AHI1: variants seen among roughly 807,000 people sequenced by gnomAD.
AHI1 encodes the protein Abelson helper integration site 1.
In AHI1, 123 loss-of-function variants were observed where a neutral mutation model predicts 149.3. The ratio of observed to expected loss-of-function variants is 0.82; its 90% CI spans 0.71 to 0.96. The LOEUF is 0.96. Among genes scored for constraint, AHI1 ranks in the 40% least tolerant of loss-of-function variants. The pLI is 0.00. For missense variants in AHI1, 1,439 were observed against 1,422.7 expected, an observed-to-expected ratio of 1.01 and a Z score of -0.18; for synonymous variants, 475 against 459.8, an observed-to-expected ratio of 1.03 and a Z score of -0.42.
At chr6:135,480,302 AC>A (rs1793416514) in intron 5 of AHI1, among the ~76,000 whole-genome samples, 1 of 152,140 alleles carries the variant, frequency 6.6e-6, no homozygotes, top group African/African-American at 2.4e-5. Context: ...ACAGAAAAAA[AC>A]AAAAATTAGC....
At chr6:135,343,473 C>A (rs991710211) in intron 24 of AHI1, among the ~76,000 whole-genome samples, 8 of 151,522 alleles carry the variant, frequency 5.3e-5, no homozygotes, top group Non-Finnish European at 1.2e-4. Flanking sequence ...AAGGACACAC[C>A]CTGATTTTAA....
intron 21 of AHI1, among the ~76,000 whole-genome samples, chr6:135,405,581 C>G (rs185382697): frequency 1.3e-5 from 2 of 151,990 alleles, no homozygotes; most frequent in African/African-American, 4.8e-5. Flanking sequence ...CAAGTCTGGC[C>G]GGGTACGGTG....
intron 22 of AHI1, among the ~76,000 whole-genome samples, 188 bp from the exon 23 acceptor site, chr6:135,395,084 A>G (rs564392755): frequency 6.6e-5 from 10 of 152,194 alleles, no homozygotes; most frequent in African/African-American, 2.4e-4. Context: ...AAAAAAATAT[A>G]ATAGTAATTA....
chr6:135,376,921 A>AG (rs1776029888), intron 23 of AHI1, among the ~76,000 whole-genome samples: 10 of 128,796 alleles, frequency 7.8e-5, no homozygotes, highest in African/African-American at 2.0e-4. Context: ...AAAAAAAAAA[A>AG]GTTGGTCCAG....
chr6:135,476,837 T>C (rs1792728505), intron 5 of AHI1, among the ~76,000 whole-genome samples: 1 of 152,180 alleles, frequency 6.6e-6, no homozygotes, highest in Admixed American at 6.5e-5. Flanking sequence ...ATTCTTTAAA[T>C]ATTAACCTAC....
chr6:135,389,612 T>C (rs1778171045), intron 23 of AHI1, among the ~76,000 whole-genome samples: 1 of 152,212 alleles, frequency 6.6e-6, no homozygotes, highest in African/African-American at 2.4e-5. Context: ...ACACTGTAAG[T>C]TTACAATTAA....
intron 4 of AHI1, among the ~76,000 whole-genome samples, 153 bp from the exon 5 acceptor site, chr6:135,490,900 T>G (rs1307503075): frequency 1.3e-5 from 2 of 152,172 alleles, no homozygotes; most frequent in Non-Finnish European, 2.9e-5. Context: ...TCTTAAAATA[T>G]TTTTTATTTT....
chr6:135,313,431 T>C (rs1027195877), intron 26 of AHI1, among the ~76,000 whole-genome samples: 1 of 152,172 alleles, frequency 6.6e-6, no homozygotes, highest in Non-Finnish European at 1.5e-5. Context: ...TGGAGTTTTA[T>C]CCTCTGCCAC....
At chr6:135,423,294 C>CTA (rs1783473407) in intron 20 of AHI1, among the ~76,000 whole-genome samples, 1 of 152,066 alleles carries the variant, frequency 6.6e-6, no homozygotes, top group South Asian at 2.1e-4. Flanking sequence ...GGAAAAAATG[C>CTA]TATTCTATAG....
Position 135,323,180 on chromosome 6 carries a change from T to C in AHI1, c.3310A>G (p.Asn1104Asp), listed in dbSNP as rs1453261170. Residue 1104 changes from asparagine (N) to aspartate (D), a missense_variant, in exon 25 of 29, where the codon AAT becomes GAT. By Grantham distance (23) the Asn-to-Asp change is conservative. Transcript: ENST00000265602. ...GKGQEGYFPA[N>D]HVASETLYQE... ...AACTTACTTTCACTAGCCACATGAT[T>C]AGCTGGAAAATAACCTTCCTGTCCC... 1 of 1,610,936 alleles carries C rather than the reference T, an allele frequency of 6.2e-7. No individual in the cohort carries two copies. Among genetic ancestry groups the C allele is most frequent in the Non-Finnish European group, 8.5e-7 (1 of 1,177,514 alleles).
rs1327998842 is a variant in AHI1 at position 135,433,069 on chromosome 6, C to T, written c.2224G>A (p.Val742Ile). 3 of 1,613,476 alleles carry T rather than the reference C, an allele frequency of 1.9e-6. No homozygotes were observed. The highest frequency in any genetic ancestry group is 1.3e-5 in the African/African-American group (1 of 74,906). Residue 742 changes from valine to isoleucine, a missense_variant, in exon 16 of 29, where the codon GTT becomes ATT. Val to Ile is a conservative substitution (Grantham distance 29). Transcript: ENST00000265602. Reference sequence around the variant, plus strand: ...AGTGAGTTGATAAAACTTTTGTGAACATCAAACTGTCGGACCAATATGGCA... The same window carrying T: ...AGTGAGTTGATAAAACTTTTGTGAATATCAAACTGTCGGACCAATATGGCA... ...DSAILVRQFD[V>I]HKSFINSLCF...
intron 27 of AHI1, among the ~76,000 whole-genome samples, chr6:135,293,493 G>A (rs1220691828): frequency 6.7e-6 from 1 of 149,430 alleles, no homozygotes; most frequent in Non-Finnish European, 1.5e-5. Context: ...TTGCACGATT[G>A]TCTGTCTACA....
In AHI1 at chr6:135,438,372, A is replaced by G. The variant is rs1225715023; in HGVS notation, c.2036+3T>C. 6.3e-7 allele frequency: 1 copy of G among 1,581,584 alleles called. No homozygotes were observed. On this transcript the variant is annotated splice_donor_region_variant and intron_variant, in intron 15 of 28. Transcript: ENST00000265602. ...CACATAAGTACTTCTCAAGGATACT[A>G]ACCTGGCAGTGCCATCAGATGATGA...
chr6:135,322,533 G>A (rs1014470604), intron 25 of AHI1, among the ~76,000 whole-genome samples: 3 of 151,522 alleles, frequency 2.0e-5, no homozygotes, highest in South Asian at 4.2e-4. Context: ...ATTAAAACAC[G>A]AAGTAGAAAT....
At chr6:135,459,139 T>C (rs1583334250) in intron 8 of AHI1, among the ~76,000 whole-genome samples, 1 of 152,206 alleles carries the variant, frequency 6.6e-6, no homozygotes, top group Non-Finnish European at 1.5e-5. Flanking sequence ...AAAATGGTCA[T>C]TAAAAAGGCC....
intron 26 of AHI1, among the ~76,000 whole-genome samples, chr6:135,309,233 T>C (rs558731343): frequency 6.6e-6 from 1 of 152,294 alleles, no homozygotes; most frequent in Admixed American, 6.5e-5. Context: ...TCTATGGGTA[T>C]GAGGTAAAGG....
At chr6:135,420,206 T>C (rs2757637) in intron 20 of AHI1, among the ~76,000 whole-genome samples, 140,678 of 152,192 alleles carry the variant, frequency 0.92, 65,195 homozygotes, top group East Asian at 0.97. Flanking sequence ...ATATTTTGAC[T>C]TCCTCTTATG....
intron 28 of AHI1, among the ~76,000 whole-genome samples, chr6:135,289,223 C>T (rs1480815687): frequency 6.6e-6 from 1 of 151,770 alleles, no homozygotes; most frequent in African/African-American, 2.4e-5. Flanking sequence ...TGGCCAGGTG[C>T]GGTGGCTCAC....
intron 26 of AHI1, among the ~76,000 whole-genome samples, chr6:135,311,889 T>A (rs1195157490): frequency 6.6e-6 from 1 of 152,180 alleles, no homozygotes. Flanking sequence ...TCGGGATGAT[T>A]AACTCATCTC....
Sources: gnomAD v4.1 joint callset for allele counts (sites outside exome capture counted in the v4.1 genomes callset) on GRCh38, gnomAD v4.1.1 for gene constraint, MANE v1.5 for transcripts, NCBI Gene and HGNC (gene_info 2026-07-23, HGNC 2026-07-21) for gene names.